The following ADAMTS16 variants were observed in gnomAD, a reference collection of about 807,000 sequenced individuals.
ADAMTS16 encodes the protein A disintegrin and metalloproteinase with thrombospondin motifs 16.
A neutral mutation model predicts 145.8 loss-of-function variants in ADAMTS16; 94 were observed. The observed-to-expected ratio is 0.64, with a 90% CI of 0.55 to 0.77. The LOEUF is 0.77. Among genes scored for constraint, ADAMTS16 ranks in the 30% least tolerant of loss-of-function variants. ADAMTS16 has a pLI of 0.00. For missense variants in ADAMTS16, 1,585 were observed against 1,591.5 expected (o/e 1.00, Z 0.07); for synonymous variants, 659 against 604.3 (o/e 1.09, Z -1.33).
rs539914350 is a variant in ADAMTS16 at position 5,169,494 on chromosome 5, T to C, written c.502-12550T>C. On this transcript the variant is annotated intron_variant, in intron 3 of 22. Coordinates refer to ENST00000274181, the MANE Select transcript of ADAMTS16 (RefSeq NM_139056.4). The stretch of plus-strand genomic sequence containing the variant: ...GACTGGATGTGCACTGTGGAATTCC[T>C]AGGTGGGCCTCAGCTGGCTTCTGTA... 2.6e-5 allele frequency among the ~76,000 whole-genome samples: 4 copies of C among 152,310 alleles called. No individual in the cohort carries two copies. In the East Asian group the frequency reaches 7.7e-4, roughly 29 times the overall value.
chr5:5,250,705 C>CTGTGTGTG (rs1342870465), intron 17 of ADAMTS16, among the ~76,000 whole-genome samples: 28 of 4,042 alleles, frequency 6.9e-3, no homozygotes, highest in African/African-American at 0.01. Flanking sequence ...TCTGTCTCTT[C>CTGTGTGTG]TCTCTGTGTG....
intron 21 of ADAMTS16, among the ~76,000 whole-genome samples, chr5:5,307,867 T>C (rs1444001498): frequency 6.6e-6 from 1 of 152,136 alleles, no homozygotes; most frequent in Non-Finnish European, 1.5e-5. Flanking sequence ...GTCCTAGACA[T>C]GGTCCTGCCC....
chr5:5,194,871 C>T (rs567085320), intron 8 of ADAMTS16, among the ~76,000 whole-genome samples: 8 of 152,112 alleles, frequency 5.3e-5, no homozygotes, highest in African/African-American at 1.2e-4. Flanking sequence ...TATTAAAAAA[C>T]GTGTAAAACA....
chr5:5,307,800 T>C (rs41524744), intron 21 of ADAMTS16, among the ~76,000 whole-genome samples: 2,614 of 152,256 alleles, frequency 0.017, 68 homozygotes, highest in African/African-American at 0.06. Flanking sequence ...ACCTGCTCGA[T>C]GGGGTCCACA....
Position 5,237,003 on chromosome 5 carries a change from A to G in ADAMTS16, c.2058A>G (p.Glu686=). 1 of 1,614,016 alleles carries G rather than the reference A, an allele frequency of 6.2e-7. No individual in the cohort carries two copies. Among genetic ancestry groups the G allele is most frequent in the Non-Finnish European group, 8.5e-7 (1 of 1,179,980 alleles). The change falls in exon 14 of 23, where the codon GAA becomes GAG. Residue 686 remains glutamate (E), a synonymous_variant. Coordinates refer to ENST00000274181, the MANE Select transcript of ADAMTS16 (RefSeq NM_139056.4). The part of the protein sequence containing the change: ...QDLCKLYCIA[E]GFDFFFSLSN... Reference sequence around the variant, plus strand: ...TATGCAAACTCTACTGTATCGCAGAAGGATTTGATTTCTTCTTTTCTTTGT... The same window carrying G: ...TATGCAAACTCTACTGTATCGCAGAGGGATTTGATTTCTTCTTTTCTTTGT...
chr5:5,302,760 A>C (rs188026816), intron 18 of ADAMTS16, among the ~76,000 whole-genome samples: 1 of 152,288 alleles, frequency 6.6e-6, no homozygotes, highest in Admixed American at 6.5e-5. Context: ...ATGTTAACGA[A>C]TCATTAATGC....
chr5:5,192,609 AT>A (rs1410348691), intron 8 of ADAMTS16, among the ~76,000 whole-genome samples: 1 of 152,158 alleles, frequency 6.6e-6, no homozygotes, highest in Non-Finnish European at 1.5e-5. Context: ...TGGCTTGGAA[AT>A]AAAAGTTTCA....
In ADAMTS16 at chr5:5,267,424, G is replaced by A. The variant is rs114845160; in HGVS notation, c.2789+4641G>A. Reference sequence around the variant, plus strand: ...TGAGTACAAGGTTTTATTGAGTGGCGGTAGCTCTCAGCGAGGTGAATGGGG... The same window carrying A: ...TGAGTACAAGGTTTTATTGAGTGGCAGTAGCTCTCAGCGAGGTGAATGGGG... On this transcript the variant is annotated intron_variant, in intron 18 of 22. Coordinates refer to ENST00000274181, the MANE Select transcript of ADAMTS16 (RefSeq NM_139056.4). Among the ~76,000 whole-genome samples the A allele has an allele frequency of 7.2e-4, 109 of 152,222 alleles. 1 individual carries two copies. The highest frequency in any genetic ancestry group is 2.3e-3 in the South Asian group (11 of 4,816).
chr5:5,271,367 G>C (rs114396259), intron 18 of ADAMTS16, among the ~76,000 whole-genome samples: 4 of 152,190 alleles, frequency 2.6e-5, no homozygotes, highest in Non-Finnish European at 4.4e-5. Context: ...CTCCAGGACC[G>C]GGGAGCTGTG....
At chr5:5,207,023 G>A (rs1048752130) in intron 9 of ADAMTS16, among the ~76,000 whole-genome samples, 66 of 152,002 alleles carry the variant, frequency 4.3e-4, no homozygotes, top group African/African-American at 1.5e-3. Context: ...TATTGCTCTG[G>A]TTATTTTAAG....
chr5:5,284,112 G>C (rs1739029318), intron 18 of ADAMTS16, among the ~76,000 whole-genome samples: 1 of 151,846 alleles, frequency 6.6e-6, no homozygotes, highest in Non-Finnish European at 1.5e-5. Flanking sequence ...TGGTTATTTA[G>C]AAAACACACC....
intron 8 of ADAMTS16, among the ~76,000 whole-genome samples, chr5:5,195,236 A>G (rs371994084): frequency 9.9e-5 from 15 of 152,234 alleles, no homozygotes; most frequent in African/African-American, 3.4e-4. Context: ...CTGGTGGTAC[A>G]AGGAGAGTTT....
At chr5:5,185,622 C>T (rs888216506) in intron 4 of ADAMTS16, among the ~76,000 whole-genome samples, 7 of 152,148 alleles carry the variant, frequency 4.6e-5, no homozygotes, top group African/African-American at 1.7e-4. Context: ...ATTGTCAAGT[C>T]GTTAAAAGTC....
chr5:5,274,683 T>C (rs112892972), intron 18 of ADAMTS16, among the ~76,000 whole-genome samples: 8 of 142,358 alleles, frequency 5.6e-5, no homozygotes, highest in African/African-American at 1.8e-4. Context: ...TGTATATATA[T>C]ACATATATAC....
At chr5:5,250,707 CTCTGTGTGTGTGTG>C (rs1170266686) in intron 17 of ADAMTS16, among the ~76,000 whole-genome samples, 2 of 148,558 alleles carry the variant, frequency 1.3e-5, no homozygotes, top group Non-Finnish European at 3.0e-5. Context: ...TGTCTCTTCT[CTCTGTGTGTGTGTG>C]TGTGTGTGTG....
intron 17 of ADAMTS16, among the ~76,000 whole-genome samples, chr5:5,248,060 A>C (rs1263934989): frequency 1.3e-5 from 2 of 152,270 alleles, no homozygotes; most frequent in East Asian, 3.8e-4. Context: ...CATGTGATAG[A>C]AACAATGCAT....
intron 9 of ADAMTS16, among the ~76,000 whole-genome samples, chr5:5,204,644 C>T (rs1736044460): frequency 6.6e-6 from 1 of 152,130 alleles, no homozygotes; most frequent in Non-Finnish European, 1.5e-5. Context: ...AATTTATATA[C>T]TAAATATATA....
intron 2 of ADAMTS16, among the ~76,000 whole-genome samples, chr5:5,144,996 A>C (rs1172410375): frequency 1.3e-5 from 2 of 152,192 alleles, no homozygotes; most frequent in African/African-American, 2.4e-5. Context: ...CGTCTCCCCC[A>C]GCCTTTTGGA....
chr5:5,249,565 C>T (rs1160618303), intron 17 of ADAMTS16, among the ~76,000 whole-genome samples: 2 of 152,064 alleles, frequency 1.3e-5, no homozygotes, highest in Non-Finnish European at 2.9e-5. Context: ...GTGGCTCCTG[C>T]GTGGCGGAAG....
Sources: gnomAD v4.1 joint callset for allele counts (sites outside exome capture counted in the v4.1 genomes callset) on GRCh38, gnomAD v4.1.1 for gene constraint, MANE v1.5 for transcripts, NCBI Gene and HGNC (gene_info 2026-07-23, HGNC 2026-07-21) for gene names.